The following C8orf89 variants were observed in gnomAD, a reference collection of about 807,000 sequenced individuals.
The protein encoded by C8orf89 is chromosome 8 open reading frame 89.
C8orf89 carries 14 observed loss-of-function variants against 15.8 expected under a neutral mutation model. The observed-to-expected ratio is 0.89, with a 90% confidence interval of 0.59 to 1.39. The LOEUF is 1.39. Among genes scored for constraint, C8orf89 ranks in the 40% most tolerant of loss-of-function variants. The pLI is 0.00. For missense variants in C8orf89, 181 were observed against 184.5 expected (o/e 0.98, Z 0.11); for synonymous variants, 55 against 62.2 (o/e 0.88, Z 0.54).
the C8orf89 span, among the ~76,000 whole-genome samples, chr8:73,269,956 G>T: frequency 6.8e-4 from 104 of 152,268 alleles, no homozygotes; most frequent in Middle Eastern, 3.4e-3. Context: ...TATTAAGAAG[G>T]TAAGGGGTTC....
chr8:73,259,285 G>A lies in C8orf89; in HGVS notation c.127+47C>T, dbSNP rs575419989. The stretch of plus-strand genomic sequence containing the variant: ...TGAAAAAAATACATGGAAATTCAAG[G>A]CACTATTTCTATGTTTTCTTAAGGA... On this transcript the variant is annotated intron_variant, in intron 1 of 3. Coordinates refer to ENST00000624510, the MANE Select transcript of C8orf89 (RefSeq NM_001243237.3). 52 of 1,219,940 alleles carry A rather than the reference G, an allele frequency of 4.3e-5. No individual in the cohort carries two copies. In the African/African-American group the frequency reaches 7.6e-4, roughly 18 times the overall value. 75.6% of individuals were successfully genotyped at this position (1,219,940 alleles called of 1,614,324 possible). A position where few individuals can be genotyped will look rare whatever the true frequency, so the allele number is the denominator to read the frequency against.
At chr8:73,276,132 T>C in the C8orf89 span, among the ~76,000 whole-genome samples, 1,415 of 151,930 alleles carry the variant, frequency 9.3e-3, 24 homozygotes, top group African/African-American at 0.033. Flanking sequence ...ATATTTTTAT[T>C]ATTAGTTGTA....
At chr8:73,273,012 G>T in the C8orf89 span, among the ~76,000 whole-genome samples, 1 of 152,162 alleles carries the variant, frequency 6.6e-6, no homozygotes, top group Non-Finnish European at 1.5e-5. Flanking sequence ...AAGGAAAAAG[G>T]TAAGTAAAAT....
At chr8:73,258,351 C>T (rs547095053) in intron 1 of C8orf89, among the ~76,000 whole-genome samples, 3 of 137,246 alleles carry the variant, frequency 2.2e-5, no homozygotes, top group East Asian at 4.3e-4. Context: ...GCAGAGGCTG[C>T]AGTGAGCCAA....
At chr8:73,268,136 C>T in the C8orf89 span, among the ~76,000 whole-genome samples, 1 of 152,150 alleles carries the variant, frequency 6.6e-6, no homozygotes, top group Non-Finnish European at 1.5e-5. Flanking sequence ...ATTAATCAGT[C>T]AATCATCCGT....
upstream of C8orf89, among the ~76,000 whole-genome samples, chr8:73,260,224 A>G (rs530225802): frequency 1.3e-5 from 2 of 152,332 alleles, no homozygotes; most frequent in Admixed American, 1.3e-4. Context: ...GAATCTAGTA[A>G]AAGAAATACG....
At chr8:73,249,010 T>G (rs1003804607) in intron 3 of C8orf89, among the ~76,000 whole-genome samples, 2 of 152,000 alleles carry the variant, frequency 1.3e-5, no homozygotes, top group African/African-American at 4.8e-5. Context: ...TTGTGCTGGT[T>G]TTCAGGTTTT....
intron 2 of C8orf89, among the ~76,000 whole-genome samples, chr8:73,250,553 C>T (rs1223806503): frequency 2.0e-5 from 3 of 152,176 alleles, no homozygotes; most frequent in Non-Finnish European, 2.9e-5. Flanking sequence ...CTTTATCATA[C>T]CTCTCACTAG....
chr8:73,278,914 A>G, the C8orf89 span, among the ~76,000 whole-genome samples: 4 of 152,156 alleles, frequency 2.6e-5, no homozygotes, highest in Admixed American at 2.0e-4. Flanking sequence ...CATCTTAGGT[A>G]CGACAACTCT....
In C8orf89 at chr8:73,241,495, A is replaced by AT; in HGVS notation, c.447dup (p.Ser150IlefsTer27). The AT allele has an allele frequency of 1.3e-6, 2 of 1,529,656 alleles. No individual in the cohort carries two copies. The highest frequency in any genetic ancestry group is 4.9e-5 in the East Asian group (2 of 40,800). 94.8% of individuals were successfully genotyped at this position (1,529,656 alleles called of 1,614,324 possible). A position where few individuals can be genotyped will look rare whatever the true frequency, so the allele number is the denominator to read the frequency against. ...AGGTCTCGTTTCTTGCTTTTTTTTG[A>AT]TTTTGTGGTTGTTTCCTGACGAATG... is the stretch of plus-strand genomic sequence containing the variant. On this transcript the variant is annotated frameshift_variant, in exon 4 of 4. Transcript: ENST00000624510. LOFTEE classifies it high-confidence loss of function.
intron 1 of C8orf89, 145 bp downstream of exon 1, chr8:73,259,187 C>A: frequency 1.9e-6 from 1 of 515,446 alleles, no homozygotes; most frequent in South Asian, 4.2e-5. Flanking sequence ...TTTTAGTTTG[C>A]TTCCATTTTT....
At chr8:73,271,874 T>C in the C8orf89 span, among the ~76,000 whole-genome samples, 1 of 152,168 alleles carries the variant, frequency 6.6e-6, no homozygotes, top group African/African-American at 2.4e-5. Flanking sequence ...GTGGGAATTA[T>C]AGGAGAACAA....
At chr8:73,261,713 C>A (rs41437747), upstream of C8orf89, among the ~76,000 whole-genome samples, 1,433 of 152,166 alleles carry the variant, frequency 9.4e-3, 25 homozygotes, top group African/African-American at 0.032. Context: ...GGATGGAGAC[C>A]AGACAGTAAG....
At chr8:73,274,297 A>G in the C8orf89 span, among the ~76,000 whole-genome samples, 4 of 151,840 alleles carry the variant, frequency 2.6e-5, no homozygotes, top group East Asian at 3.9e-4. Flanking sequence ...GACTACAGGC[A>G]CCCGCCACCA....
intron 3 of C8orf89, among the ~76,000 whole-genome samples, chr8:73,247,939 G>A (rs960740878): frequency 9.2e-5 from 14 of 152,100 alleles, no homozygotes; most frequent in Non-Finnish European, 1.5e-4. Flanking sequence ...AAGCACTTTC[G>A]TTTAATTAGA....
chr8:73,276,103 A>C, the C8orf89 span, among the ~76,000 whole-genome samples: 1 of 151,770 alleles, frequency 6.6e-6, no homozygotes, highest in African/African-American at 2.4e-5. Context: ...ATAGGAAGTA[A>C]AATTTTTTTA....
At chr8:73,261,593 A>C (rs139608392), upstream of C8orf89, among the ~76,000 whole-genome samples, 1 of 152,324 alleles carries the variant, frequency 6.6e-6, no homozygotes, top group Non-Finnish European at 1.5e-5. Context: ...TTTATTACAA[A>C]GTGAGAAATT....
chr8:73,285,758 G>GC, the C8orf89 span, among the ~76,000 whole-genome samples: 1 of 152,204 alleles, frequency 6.6e-6, no homozygotes, highest in South Asian at 2.1e-4. Context: ...GCCCACCTCA[G>GC]CCCCCCGCCC....
the C8orf89 span, among the ~76,000 whole-genome samples, chr8:73,266,507 A>G: frequency 6.6e-6 from 1 of 152,184 alleles, no homozygotes. Context: ...GAGCCAGACT[A>G]CTTCTATCTT....
Sources: allele counts gnomAD v4.1 joint callset (sites outside exome capture counted in the v4.1 genomes callset), GRCh38; gene constraint gnomAD v4.1.1; transcripts MANE v1.5; gene names NCBI Gene and HGNC (gene_info 2026-07-23, HGNC 2026-07-21).